Variants in AKNAD1 observed in about 807,000 individuals in gnomAD.
AKNAD1 encodes the protein protein AKNAD1.
A neutral mutation model predicts 90.8 loss-of-function variants in AKNAD1; 67 were observed. The ratio of observed to expected loss-of-function variants is 0.74; its 90% CI spans 0.61 to 0.90. AKNAD1 has a LOEUF of 0.90. Ranked by LOEUF, AKNAD1 falls within the 40% of genes least tolerant of loss-of-function variation. AKNAD1 has a pLI of 0.00. For missense variants in AKNAD1, 957 were observed against 975.4 expected, an observed-to-expected ratio of 0.98 and a Z score of 0.25; for synonymous variants, 327 against 341.4, an observed-to-expected ratio of 0.96 and a Z score of 0.46.
chr1:108,852,133 C>T lies in AKNAD1; in HGVS notation c.532G>A (p.Gly178Ser). The T allele has an allele frequency of 6.2e-7, 1 of 1,614,152 alleles. No individual in the cohort carries two copies. The highest frequency in any genetic ancestry group is 8.5e-7 in the Non-Finnish European group (1 of 1,180,020). ...GAACCAGGCTTATTGCTGTTTTCAC[C>T]ATCCCTTTTCGGGTTGAGTTGGTCA... is the stretch of plus-strand genomic sequence containing the variant. ...LTDQLNPKRD[G>S]ENSNKPGSAT... The change falls in exon 2 of 16, where the codon GGT becomes AGT. Residue 178 changes from glycine to serine, a missense_variant. By Grantham distance (56) the Gly-to-Ser change is moderately conservative. Transcript: ENST00000370001.
chr1:108,849,725 C>G, intron 2 of AKNAD1, 149 bp from the exon 3 acceptor site: 1 of 616,642 alleles, frequency 1.6e-6, no homozygotes, highest in Non-Finnish European at 2.9e-6. Context: ...GAATTCCACT[C>G]TGACACTTAC....
chr1:108,837,832 T>C (rs1664431945), intron 6 of AKNAD1, 126 bp from the exon 7 acceptor site: 1 of 1,081,806 alleles, frequency 9.2e-7, no homozygotes, highest in Admixed American at 2.1e-5. Context: ...TCACAAAGGA[T>C]AATGGGAGCC....
chr1:108,848,660 C>T (rs1199930357), intron 5 of AKNAD1, 92 bp downstream of exon 5: 8 of 1,159,124 alleles, frequency 6.9e-6, no homozygotes, highest in Middle Eastern at 5.8e-4. Flanking sequence ...ACTCCCACCA[C>T]TGTAGAGAAA....
chr1:108,830,843 C>A (rs749156872), intron 9 of AKNAD1, 193 bp from the exon 10 acceptor site: 31 of 614,766 alleles, frequency 5.0e-5, no homozygotes, highest in Middle Eastern at 8.6e-4. Context: ...AAGAGCCCAT[C>A]CTTAGTTCTG....
chr1:108,836,002 A>G (rs1271414999), intron 7 of AKNAD1, among the ~76,000 whole-genome samples: 2 of 152,182 alleles, frequency 1.3e-5, no homozygotes, highest in Non-Finnish European at 2.9e-5. Flanking sequence ...TTCATGTTTT[A>G]TCCCCAATAC....
At position 108,848,906 on chromosome 1, in the gene AKNAD1, T is replaced by C. The variant is rs373932632; in HGVS notation, c.1182+6A>G. The stretch of plus-strand genomic sequence containing the variant: ...TATTGTTTATAATAAGCTTTAAAAG[T>C]ATTACTTTAGTCTTCAGTTGATCAG... On this transcript the variant is annotated splice_donor_region_variant and intron_variant, in intron 4 of 15. Transcript: ENST00000370001. 1.3e-6 allele frequency: 2 copies of C among 1,599,362 alleles called. No individual in the cohort carries two copies. The highest frequency in any genetic ancestry group is 2.7e-5 in the African/African-American group (2 of 73,958).
intron 14 of AKNAD1, among the ~76,000 whole-genome samples, chr1:108,818,267 C>G (rs188327397): frequency 7.2e-5 from 11 of 152,340 alleles, no homozygotes; most frequent in African/African-American, 2.6e-4. Context: ...GCATAAAACA[C>G]TTGTGAGGAA....
At chr1:108,851,045 T>G (rs928343173) in intron 2 of AKNAD1, among the ~76,000 whole-genome samples, 1 of 152,178 alleles carries the variant, frequency 6.6e-6, no homozygotes, top group African/African-American at 2.4e-5. Context: ...GGGCATAACG[T>G]ACGTTAAGAC....
At chr1:108,850,815 G>T (rs1277205) in intron 2 of AKNAD1, among the ~76,000 whole-genome samples, 129,644 of 152,098 alleles carry the variant, frequency 0.85, 55,513 homozygotes, top group South Asian at 0.9. Flanking sequence ...TGATTATTAA[G>T]ATGGATTTAC....
intron 8 of AKNAD1, 80 bp downstream of exon 8, chr1:108,834,849 T>C: frequency 1.3e-6 from 2 of 1,491,366 alleles, no homozygotes; most frequent in South Asian, 1.4e-5. Context: ...GGGAGCCTCA[T>C]GGGCCTTCCT....
intron 5 of AKNAD1, among the ~76,000 whole-genome samples, chr1:108,845,914 G>A (rs2101207191): frequency 6.6e-6 from 1 of 152,264 alleles, no homozygotes; most frequent in African/African-American, 2.4e-5. Context: ...AGAATTATGT[G>A]TTCAAGGGAA....
chr1:108,833,478 G>A (rs1243776539), intron 9 of AKNAD1, among the ~76,000 whole-genome samples: 3 of 152,058 alleles, frequency 2.0e-5, no homozygotes, highest in African/African-American at 7.2e-5. Flanking sequence ...AGCTACTCAG[G>A]AGGCTGAGGC....
At chr1:108,816,744 G>T (rs1388848121) in intron 15 of AKNAD1, 3 of 327,454 alleles carry the variant, frequency 9.2e-6, no homozygotes, top group Admixed American at 4.5e-5. Flanking sequence ...TGGCAACTCT[G>T]ATCACAGTGT....
chr1:108,856,733 C>T (rs1225730091), intron 1 of AKNAD1, among the ~76,000 whole-genome samples, 196 bp downstream of exon 1: 1 of 149,428 alleles, frequency 6.7e-6, no homozygotes, highest in Non-Finnish European at 1.5e-5. Flanking sequence ...CACACATAAA[C>T]ACACACACAC....
chr1:108,823,014 A>T (rs1663866886), intron 13 of AKNAD1: 1 of 606,336 alleles, frequency 1.6e-6, no homozygotes, highest in Non-Finnish European at 3.0e-6. Context: ...GTAGGGATAT[A>T]TGTAAAGCAT....
chr1:108,839,455 C>T (rs967173364), intron 6 of AKNAD1, among the ~76,000 whole-genome samples: 3 of 59,990 alleles, frequency 5.0e-5, no homozygotes, highest in African/African-American at 3.2e-4. Context: ...CCTGGAGGAG[C>T]GAGACTCCGT....
At chr1:108,852,789 T>C in intron 1 of AKNAD1, 22 bp from the exon 2 acceptor site, 1 of 814,834 alleles carries the variant, frequency 1.2e-6, no homozygotes, top group Non-Finnish European at 1.8e-6. Context: ...GAGAACAGCC[T>C]CATTGTTAAA....
At chr1:108,847,461 C>CA (rs1271804119) in intron 5 of AKNAD1, among the ~76,000 whole-genome samples, 139 of 137,626 alleles carry the variant, frequency 1.0e-3, no homozygotes, top group South Asian at 1.4e-3. Context: ...AAAAAAAAAA[C>CA]AAAAAAAAAA....
At chr1:108,850,370 A>T (rs1664813942) in intron 2 of AKNAD1, among the ~76,000 whole-genome samples, 1 of 152,172 alleles carries the variant, frequency 6.6e-6, no homozygotes, top group African/African-American at 2.4e-5. Flanking sequence ...TACCAGAGGG[A>T]GAAGAGCCTG....
Sources: allele counts gnomAD v4.1 joint callset (sites outside exome capture counted in the v4.1 genomes callset), GRCh38; gene constraint gnomAD v4.1.1; transcripts MANE v1.5; gene names NCBI Gene and HGNC (gene_info 2026-07-23, HGNC 2026-07-21).